The following OPCML variants were observed in gnomAD, a reference collection of about 807,000 sequenced individuals.
The protein encoded by OPCML is opioid binding protein/cell adhesion molecule like, also known as opioid-binding protein/cell adhesion molecule.
Under a neutral mutation model 37.8 loss-of-function variants are expected in OPCML, and 13 were observed. That is an observed-to-expected ratio of 0.34 (90% CI 0.22 to 0.55). The LOEUF is 0.55. OPCML is among the 20% of genes least tolerant of loss of function. The pLI, the probability that OPCML is intolerant of heterozygous loss-of-function variation, is 0.91. For missense variants in OPCML, 341 were observed against 435.6 expected (o/e 0.78, Z 1.93); for synonymous variants, 176 against 168.8 (o/e 1.04, Z -0.33).
At chr11:133,158,905 T>C (rs568020690) in intron 1 of OPCML, among the ~76,000 whole-genome samples, 1 of 152,110 alleles carries the variant, frequency 6.6e-6, no homozygotes, top group South Asian at 2.1e-4. Flanking sequence ...AGAAATGTGG[T>C]CAACAGCCTA....
intron 1 of OPCML, among the ~76,000 whole-genome samples, chr11:133,090,584 C>G (rs1948891204): frequency 6.6e-6 from 1 of 152,140 alleles, no homozygotes; most frequent in Admixed American, 6.6e-5. Flanking sequence ...TGGCAAAGCA[C>G]CTGGCTGAGT....
At chr11:132,466,693 G>A (rs1004346271) in intron 4 of OPCML, among the ~76,000 whole-genome samples, 1 of 152,140 alleles carries the variant, frequency 6.6e-6, no homozygotes, top group African/African-American at 2.4e-5. Flanking sequence ...GCCTCCAGCC[G>A]AGGAGTTGTA....
intron 3 of OPCML, among the ~76,000 whole-genome samples, chr11:132,632,360 C>T (rs1327021904): frequency 1.3e-5 from 2 of 149,876 alleles, no homozygotes; most frequent in African/African-American, 4.9e-5. Context: ...GGTTCCTTTG[C>T]ATTCGTTCCT....
In OPCML at chr11:133,153,239, G is replaced by A. The variant is rs76620674; in HGVS notation, c.62-210229C>T. On this transcript the variant is annotated intron_variant, in intron 1 of 7. Transcript: ENST00000524381. ...ATACCCAGAGGCGTTCTCGGAAGATGGGGGAGGTGGAAGTCCGTTTCCTGT... is the reference window on the plus strand; with the variant it reads ...ATACCCAGAGGCGTTCTCGGAAGATAGGGGAGGTGGAAGTCCGTTTCCTGT... Among the ~76,000 whole-genome samples, 58 of 152,294 alleles carry A rather than the reference G, an allele frequency of 3.8e-4. 1 individual carries two copies. In the East Asian group the frequency reaches 8.1e-3, roughly 21 times the overall value.
At chr11:132,736,890 A>C (rs564056066) in intron 2 of OPCML, among the ~76,000 whole-genome samples, 3 of 152,180 alleles carry the variant, frequency 2.0e-5, no homozygotes, top group Non-Finnish European at 4.4e-5. Context: ...TGATGAGACT[A>C]TTATGATTAT....
intron 1 of OPCML, among the ~76,000 whole-genome samples, chr11:133,515,026 T>C (rs1359529771): frequency 1.3e-5 from 2 of 152,238 alleles, no homozygotes; most frequent in Non-Finnish European, 2.9e-5. Flanking sequence ...ATGTTCATCT[T>C]ATTAGCCATC....
chr11:133,377,182 T>C (rs1473777820), intron 1 of OPCML, among the ~76,000 whole-genome samples: 1 of 151,734 alleles, frequency 6.6e-6, no homozygotes, highest in Non-Finnish European at 1.5e-5. Flanking sequence ...GGGGGTGAGA[T>C]TTGGGTAGAG....
chr11:132,791,279 A>T (rs1937890782), intron 2 of OPCML, among the ~76,000 whole-genome samples: 1 of 152,134 alleles, frequency 6.6e-6, no homozygotes, highest in Non-Finnish European at 1.5e-5. Context: ...TCCCTGCACT[A>T]TTTACTGTGA....
intron 1 of OPCML, among the ~76,000 whole-genome samples, chr11:133,318,612 A>G (rs927329561): frequency 6.6e-6 from 1 of 152,150 alleles, no homozygotes; most frequent in Non-Finnish European, 1.5e-5. Context: ...CCTTCATAAA[A>G]TCTGTTTTTA....
chr11:132,869,312 G>A (rs1384356416), intron 2 of OPCML, among the ~76,000 whole-genome samples: 1 of 152,148 alleles, frequency 6.6e-6, no homozygotes, highest in Non-Finnish European at 1.5e-5. Context: ...ACAGCCCAAG[G>A]GCAAAGAGAG....
At chr11:133,085,716 T>C (rs1281177363) in intron 1 of OPCML, among the ~76,000 whole-genome samples, 1 of 152,188 alleles carries the variant, frequency 6.6e-6, no homozygotes, top group East Asian at 1.9e-4. Context: ...TAAAAGTACA[T>C]GTGCACCTCA....
intron 1 of OPCML, among the ~76,000 whole-genome samples, chr11:133,062,613 A>G (rs1413547313): frequency 5.3e-5 from 8 of 152,142 alleles, no homozygotes; most frequent in Admixed American, 5.2e-4. Flanking sequence ...TCCTTTCCCT[A>G]CAGATGAGAT....
rs1388974728 is a variant in OPCML, at chr11:133,083,334, C to G, written c.62-140324G>C. On this transcript the variant is annotated intron_variant, in intron 1 of 7. Coordinates refer to ENST00000524381, the MANE Select transcript of OPCML (RefSeq NM_001012393.5). ...TGAGCTGCCCCTCTCCGAGGCCCCG[C>G]GACCGCATGCGTGTGTGCTCCCACT... is the stretch of plus-strand genomic sequence containing the variant. 2.0e-5 allele frequency among the ~76,000 whole-genome samples: 3 copies of G among 152,108 alleles called. No individual in the cohort carries two copies. In the East Asian group the frequency reaches 5.8e-4, roughly 30 times the overall value.
At chr11:132,497,441 A>G (rs1199578321) in intron 4 of OPCML, among the ~76,000 whole-genome samples, 4 of 151,688 alleles carry the variant, frequency 2.6e-5, no homozygotes, top group Non-Finnish European at 5.9e-5. Flanking sequence ...GAAAAATGCT[A>G]TGGAAAAATT....
At chr11:133,255,343 T>C (rs1256999627) in intron 1 of OPCML, among the ~76,000 whole-genome samples, 1 of 152,198 alleles carries the variant, frequency 6.6e-6, no homozygotes, top group Non-Finnish European at 1.5e-5. Context: ...TATTTTAGGT[T>C]CTGAGTCTTG....
rs947810212 is a variant in OPCML, at chr11:133,174,865, G to C, written c.62-231855C>G. On this transcript the variant is annotated intron_variant, in intron 1 of 7. Transcript: ENST00000524381. The surrounding 1 kb of genome is among the most constrained non-coding windows in gnomAD (Gnocchi z 4.6). ...ACCTGTAATCCCAGCACTTTGGGAGGCCAAGGCAGGAGGATCACTTGAGAT... is the reference window on the plus strand; with the variant it reads ...ACCTGTAATCCCAGCACTTTGGGAGCCCAAGGCAGGAGGATCACTTGAGAT... Among the ~76,000 whole-genome samples the C allele has an allele frequency of 6.6e-6, 1 of 152,176 alleles. No homozygotes were observed. Among genetic ancestry groups the C allele is most frequent in the Non-Finnish European group, 1.5e-5 (1 of 68,034 alleles).
At chr11:132,644,822 G>A (rs1453191246) in intron 3 of OPCML, among the ~76,000 whole-genome samples, 4 of 152,238 alleles carry the variant, frequency 2.6e-5, no homozygotes, top group Non-Finnish European at 5.9e-5. Context: ...TGGGATGGTG[G>A]CAGATTTATT....
chr11:132,745,563 CAAAAAAAAAAA>C (rs10562857), intron 2 of OPCML, among the ~76,000 whole-genome samples: 1 of 102,982 alleles, frequency 9.7e-6, no homozygotes, highest in Non-Finnish European at 1.9e-5. Flanking sequence ...TGCTGTCTTG[CAAAAAAAAAAA>C]AAAAAAAAAG....
At chr11:132,606,604 TC>T (rs1470105950) in intron 3 of OPCML, among the ~76,000 whole-genome samples, 4 of 152,134 alleles carry the variant, frequency 2.6e-5, no homozygotes, top group African/African-American at 9.7e-5. Context: ...AGTAAAGCCA[TC>T]CTGCAAGGAT....
Sources: allele counts gnomAD v4.1 joint callset (sites outside exome capture counted in the v4.1 genomes callset), GRCh38; gene constraint gnomAD v4.1.1; non-coding constraint Gnocchi (gnomAD v3.1); transcripts MANE v1.5; gene names NCBI Gene and HGNC (gene_info 2026-07-23, HGNC 2026-07-21).